CFAP70: variants seen among roughly 807,000 people sequenced by gnomAD.
CFAP70 encodes cilia and flagella associated protein 70, also known as cilia- and flagella-associated protein 70.
Under a neutral mutation model 137.6 loss-of-function variants are expected in CFAP70, and 81 were observed. That is an observed-to-expected ratio of 0.59 (90% CI 0.49 to 0.71). The LOEUF (loss-of-function observed/expected upper bound fraction) is 0.71. CFAP70 is among the 30% of genes least tolerant of loss of function. The pLI is 0.00. For missense variants in CFAP70, 976 were observed against 1,226.7 expected, an observed-to-expected ratio of 0.80 and a Z score of 3.05; for synonymous variants, 382 against 423.6, an observed-to-expected ratio of 0.90 and a Z score of 1.20.
At chr10:73,284,737 CACATATATATATATATATATAT>C (rs1475169889) in intron 19 of CFAP70, among the ~76,000 whole-genome samples, 25 of 60,088 alleles carry the variant, frequency 4.2e-4, no homozygotes, top group African/African-American at 1.7e-3. Flanking sequence ...TATGACCTGC[CACATATATATATATATATATAT>C]ATATATATAT....
chr10:73,354,737 A>G (rs2054537374), exon 2 of CFAP70: 1 of 1,613,782 alleles, frequency 6.2e-7, no homozygotes, highest in African/African-American at 1.3e-5. Flanking sequence ...ACTTTACCAA[A>G]TCATATCCCT....
chr10:73,350,448 C>T (rs549705879), intron 3 of CFAP70, among the ~76,000 whole-genome samples: 3 of 152,050 alleles, frequency 2.0e-5, no homozygotes, highest in African/African-American at 7.2e-5. Context: ...GTTTCTTTTC[C>T]ATGAACTTTT....
In CFAP70 at chr10:73,284,739, C is replaced by CCT. The variant is rs2047523518; in HGVS notation, c.2240-6403_2240-6402insAG. 4.7e-4 allele frequency among the ~76,000 whole-genome samples: 13 copies of CCT among 27,500 alleles called. 1 individual carries two copies. The highest frequency in any genetic ancestry group is 3.0e-3 in the East Asian group (1 of 338). The allele number at this position is 27,500 out of a possible 152,430, so 18.0% of individuals were successfully genotyped here. ...CCTATGGGCCATATATGACCTGCCACATATATATATATATATATATATATA... is the reference window on the plus strand; with the variant it reads ...CCTATGGGCCATATATGACCTGCCACCTATATATATATATATATATATATATA... On this transcript the variant is annotated intron_variant, in intron 19 of 26. Coordinates refer to ENST00000310715, the Ensembl canonical transcript of CFAP70.
intron 9 of CFAP70, among the ~76,000 whole-genome samples, chr10:73,319,214 C>T (rs904169214): frequency 2.0e-5 from 3 of 152,022 alleles, no homozygotes; most frequent in African/African-American, 7.2e-5. Context: ...AGCTTCAGAC[C>T]CCACTGAGAA....
intron 4 of CFAP70, among the ~76,000 whole-genome samples, chr10:73,346,401 C>T (rs941950223): frequency 2.6e-5 from 4 of 151,422 alleles, no homozygotes; most frequent in African/African-American, 7.3e-5. Context: ...TTTGGGAGGC[C>T]GGGGCAGGCA....
intron 24 of CFAP70, 187 bp downstream of exon 25, chr10:73,272,741 C>A (rs2046409652): frequency 1.5e-6 from 1 of 668,930 alleles, no homozygotes; most frequent in Non-Finnish European, 2.7e-6. Context: ...TTAAAAAGAT[C>A]TTTTATTTTT....
chr10:73,316,047 T>C (rs1589451939), intron 9 of CFAP70, among the ~76,000 whole-genome samples: 1 of 152,336 alleles, frequency 6.6e-6, no homozygotes, highest in Non-Finnish European at 1.5e-5. Context: ...TCCTGATGAA[T>C]TGATGCTTTA....
intron 25 of CFAP70, among the ~76,000 whole-genome samples, chr10:73,262,071 ATATAT>A (rs200606501): frequency 1.5e-4 from 20 of 134,468 alleles, no homozygotes; most frequent in Admixed American, 6.7e-4. Context: ...GTATATATGT[ATATAT>A]TATATATGTA....
intron 1 of CFAP70, among the ~76,000 whole-genome samples, chr10:73,358,495 A>G (rs892231298): frequency 6.6e-6 from 1 of 152,164 alleles, no homozygotes; most frequent in African/African-American, 2.4e-5. Flanking sequence ...GCGGTAAAGG[A>G]AGGTCTACGT....
intron 19 of CFAP70, among the ~76,000 whole-genome samples, chr10:73,285,944 A>G (rs184631077): frequency 2.4e-4 from 37 of 151,982 alleles, no homozygotes; most frequent in South Asian, 4.2e-4. Flanking sequence ...CTGAAACTAT[A>G]TTTTCTTGCA....
chr10:73,296,956 G>T, intron 15 of CFAP70, 86 bp downstream of exon 16: 1 of 1,463,074 alleles, frequency 6.8e-7, no homozygotes, highest in Non-Finnish European at 9.3e-7. Context: ...ATAAATATTC[G>T]TTGAATAAAC....
At chr10:73,276,214 G>C (rs1306400680) in intron 21 of CFAP70, 2 of 151,692 alleles carry the variant, frequency 1.3e-5, no homozygotes, top group Non-Finnish European at 2.9e-5. Context: ...TCCCAAAAGT[G>C]CTGGAATTAT....
At chr10:73,351,994 A>T (rs1182875604) in intron 3 of CFAP70, among the ~76,000 whole-genome samples, 1 of 152,190 alleles carries the variant, frequency 6.6e-6, no homozygotes, top group Non-Finnish European at 1.5e-5. Flanking sequence ...ACTGCTGAGC[A>T]GGGGAATTGG....
At position 73,277,269 on chromosome 10, in the gene CFAP70, G is replaced by A. The variant is rs2046826324; in HGVS notation, c.2491C>T (p.His831Tyr). 3.1e-6 allele frequency: 5 copies of A among 1,613,858 alleles called. No individual in the cohort carries two copies. The highest frequency in any genetic ancestry group is 1.7e-5 in the Admixed American group (1 of 59,990). ...ACAGCCTTGACTTTCATCAAGAAATGTATGGTCTCCATGAAGATGGTGGTA... is the reference window on the plus strand; with the variant it reads ...ACAGCCTTGACTTTCATCAAGAAATATATGGTCTCCATGAAGATGGTGGTA... The change falls in exon 21 of 27, where the codon CAT (histidine) becomes TAT (tyrosine). Residue 831 changes from histidine (H) to tyrosine (Y), a missense_variant. By Grantham distance (83) the His-to-Tyr change is moderately conservative. Transcript: ENST00000310715.
intron 19 of CFAP70, among the ~76,000 whole-genome samples, chr10:73,286,459 A>G (rs1302453888): frequency 6.6e-6 from 1 of 152,106 alleles, no homozygotes; most frequent in Non-Finnish European, 1.5e-5. Flanking sequence ...CAAACAAACA[A>G]ACAAACAAAA....
At chr10:73,338,597 A>G (rs2132383948) in intron 6 of CFAP70, among the ~76,000 whole-genome samples, 2 of 150,918 alleles carry the variant, frequency 1.3e-5, no homozygotes, top group East Asian at 3.9e-4. Context: ...CACCCAGCCA[A>G]TTCTTGTATT....
intron 8 of CFAP70, among the ~76,000 whole-genome samples, chr10:73,324,892 A>G (rs1297038680): frequency 6.6e-6 from 1 of 152,238 alleles, no homozygotes; most frequent in Non-Finnish European, 1.5e-5. Context: ...GGAGAATGGA[A>G]CCAAGTTGGA....
intron 25 of CFAP70, among the ~76,000 whole-genome samples, chr10:73,260,749 T>A (rs2045086705): frequency 6.6e-6 from 1 of 152,222 alleles, no homozygotes; most frequent in African/African-American, 2.4e-5. Flanking sequence ...TCACTTGCCA[T>A]AATATTTTTG....
intron 8 of CFAP70, among the ~76,000 whole-genome samples, chr10:73,324,398 G>C (rs1460210047): frequency 6.6e-6 from 1 of 152,214 alleles, no homozygotes; most frequent in Non-Finnish European, 1.5e-5. Flanking sequence ...AAACAGAGCA[G>C]AAAAACTGGA....
Sources: allele counts gnomAD v4.1 joint callset (sites outside exome capture counted in the v4.1 genomes callset), GRCh38; gene constraint gnomAD v4.1.1; transcripts MANE v1.5; gene names NCBI Gene and HGNC (gene_info 2026-07-23, HGNC 2026-07-21).